NRG3: variants seen among roughly 807,000 people sequenced by gnomAD.
The protein encoded by NRG3 is pro-neuregulin-3, membrane-bound isoform.
Under a neutral mutation model 66.9 loss-of-function variants are expected in NRG3, and 31 were observed. The observed-to-expected ratio is 0.46, with a 90% CI of 0.35 to 0.63. The LOEUF is 0.63. NRG3 is among the 20% of genes least tolerant of loss of function. The probability of loss-of-function intolerance (pLI) is 0.00; values close to 1 mark genes in which losing one functional copy is unlikely to be tolerated. For missense variants in NRG3, 910 were observed against 878.9 expected (o/e 1.04, Z -0.45); for synonymous variants, 393 against 359.4 (o/e 1.09, Z -1.06).
intron 2 of NRG3, among the ~76,000 whole-genome samples, chr10:82,611,284 A>G (rs532100526): frequency 1.3e-5 from 2 of 151,914 alleles, no homozygotes; most frequent in African/African-American, 4.8e-5. Context: ...TTATTTTATT[A>G]TACTTTAAGT....
chr10:82,102,034 T>TATAC (rs1472012129), intron 1 of NRG3, among the ~76,000 whole-genome samples: 6 of 143,316 alleles, frequency 4.2e-5, no homozygotes, highest in Non-Finnish European at 7.7e-5. Flanking sequence ...CACATATATA[T>TATAC]GCACATATAA....
chr10:82,294,316 A>T (rs527493426), intron 1 of NRG3, among the ~76,000 whole-genome samples: 1 of 152,356 alleles, frequency 6.6e-6, no homozygotes, highest in Non-Finnish European at 1.5e-5. Flanking sequence ...CATTTTAGTT[A>T]TAAATGGAAA....
At chr10:82,930,185 T>A (rs1427139669) in intron 4 of NRG3, among the ~76,000 whole-genome samples, 4 of 152,210 alleles carry the variant, frequency 2.6e-5, no homozygotes, top group Non-Finnish European at 2.9e-5. Context: ...GTCCTTTAGA[T>A]GTCCTCAGTA....
At chr10:82,199,889 C>CGTGTGTGTGTGT (rs71007301) in intron 1 of NRG3, among the ~76,000 whole-genome samples, 3 of 142,702 alleles carry the variant, frequency 2.1e-5, no homozygotes, top group South Asian at 2.3e-4. Context: ...TGTGTGTGTG[C>CGTGTGTGTGTGT]GTGTGTGTGT....
chr10:82,636,173 A>ATAGCCAT (rs1733953964), intron 2 of NRG3, among the ~76,000 whole-genome samples: 1 of 152,100 alleles, frequency 6.6e-6, no homozygotes, highest in Non-Finnish European at 1.5e-5. Context: ...GACTGGAATT[A>ATAGCCAT]TAGCCATTAA....
At chr10:82,619,799 G>C (rs1243008402) in intron 2 of NRG3, among the ~76,000 whole-genome samples, 4 of 152,096 alleles carry the variant, frequency 2.6e-5, no homozygotes, top group East Asian at 1.9e-4. Context: ...GAAGACACAG[G>C]GGGAAGACAA....
chr10:82,134,356 T>C (rs2069162190), intron 1 of NRG3, among the ~76,000 whole-genome samples: 1 of 152,208 alleles, frequency 6.6e-6, no homozygotes, highest in African/African-American at 2.4e-5. Flanking sequence ...AGGATGGTAA[T>C]GACTAGGCTG....
chr10:82,910,766 A>G (rs1845239059), intron 4 of NRG3, among the ~76,000 whole-genome samples: 1 of 152,272 alleles, frequency 6.6e-6, no homozygotes, highest in Non-Finnish European at 1.5e-5. Flanking sequence ...AATGATGAGT[A>G]AATATAAAAA....
chr10:81,925,714 A>C (rs1208453364), intron 1 of NRG3, among the ~76,000 whole-genome samples: 1 of 149,728 alleles, frequency 6.7e-6, no homozygotes, highest in Admixed American at 6.7e-5. Flanking sequence ...AATTAGTGTG[A>C]AAGCTTTTTA....
At chr10:82,946,228 A>AT (rs1348195790) in intron 4 of NRG3, among the ~76,000 whole-genome samples, 4 of 150,502 alleles carry the variant, frequency 2.7e-5, no homozygotes, top group African/African-American at 9.8e-5. Flanking sequence ...AAAAAAAAAA[A>AT]GTGGAGTGGT....
At chr10:82,033,762 A>C (rs534289605) in intron 1 of NRG3, among the ~76,000 whole-genome samples, 1 of 152,244 alleles carries the variant, frequency 6.6e-6, no homozygotes, top group South Asian at 2.1e-4. Flanking sequence ...TGAGCATTGC[A>C]CAGCTCATAT....
Position 82,166,881 on chromosome 10 carries a change from A to T in NRG3, c.824-191858A>T, listed in dbSNP as rs551982795. 631 of 599,636 alleles carry T rather than the reference A, an allele frequency of 1.1e-3. 3 individuals carry two copies. Among genetic ancestry groups the T allele is most frequent in the Non-Finnish European group, 1.6e-3 (522 of 329,348 alleles). 37.1% of individuals were successfully genotyped at this position (599,636 alleles called of 1,614,324 possible). The stretch of plus-strand genomic sequence containing the variant: ...CATTACTGAAAGGTATTTTTTTCTC[A>T]GTAGTTTTTTTTTATTCCCTCCTTG... On this transcript the variant is annotated intron_variant, in intron 1 of 8. Coordinates refer to ENST00000372141, the MANE Select transcript of NRG3 (RefSeq NM_001010848.4).
At chr10:82,435,994 T>G (rs1673965717) in intron 2 of NRG3, among the ~76,000 whole-genome samples, 1 of 152,152 alleles carries the variant, frequency 6.6e-6, no homozygotes, top group South Asian at 2.1e-4. Context: ...CATGTGGCAC[T>G]GAGAAGAATA....
In NRG3 at chr10:82,837,058, T is replaced by C. The variant is rs1324505979; in HGVS notation, c.1028-28353T>C. Among the ~76,000 whole-genome samples, 3 of 152,282 alleles carry C rather than the reference T, an allele frequency of 2.0e-5. No individual in the cohort carries two copies. The East Asian group carries it at 5.8e-4, about 29-fold the overall frequency. On this transcript the variant is annotated intron_variant, in intron 3 of 8. Transcript: ENST00000372141. ...GTTTCCAGCTTCATCCATGGCCCTA[T>C]GAAGGACATGAACTCATCATTTTTT...
At chr10:82,411,454 G>A (rs1425554214) in intron 2 of NRG3, among the ~76,000 whole-genome samples, 2 of 152,098 alleles carry the variant, frequency 1.3e-5, no homozygotes, top group East Asian at 3.9e-4. Flanking sequence ...ACGAGCTGGG[G>A]TAACCTCAGG....
intron 3 of NRG3, among the ~76,000 whole-genome samples, chr10:82,761,684 A>C (rs1049543304): frequency 3.3e-5 from 5 of 151,866 alleles, no homozygotes; most frequent in Admixed American, 2.0e-4. Flanking sequence ...AAAATATATA[A>C]AATTAAGAAA....
At chr10:82,324,004 A>G (rs1324135831) in intron 1 of NRG3, among the ~76,000 whole-genome samples, 1 of 152,002 alleles carries the variant, frequency 6.6e-6, no homozygotes, top group African/African-American at 2.4e-5. Context: ...AGCTTGGATT[A>G]CAGGCGCCTG....
At chr10:82,432,561 G>C (rs912784173) in intron 2 of NRG3, among the ~76,000 whole-genome samples, 6 of 146,950 alleles carry the variant, frequency 4.1e-5, no homozygotes, top group African/African-American at 1.5e-4. Context: ...AGGTATACCT[G>C]TGCCATGGTG....
At chr10:82,038,097 T>G (rs1163521203) in intron 1 of NRG3, among the ~76,000 whole-genome samples, 1 of 152,160 alleles carries the variant, frequency 6.6e-6, no homozygotes, top group Non-Finnish European at 1.5e-5. Flanking sequence ...TTGTTCATTA[T>G]GGGATACCCA....
Sources: allele counts gnomAD v4.1 joint callset (sites outside exome capture counted in the v4.1 genomes callset), GRCh38; gene constraint gnomAD v4.1.1; transcripts MANE v1.5; gene names NCBI Gene and HGNC (gene_info 2026-07-23, HGNC 2026-07-21).